Variants in CRIPT observed in about 807,000 individuals in gnomAD.
CRIPT encodes the protein CXXC repeat containing interactor of PDZ3 domain.
CRIPT carries 20 observed loss-of-function variants against 16.6 expected under a neutral mutation model. That is an observed-to-expected ratio of 1.20 (90% CI 0.85 to 1.75). The LOEUF is 1.75. Among genes scored for constraint, CRIPT ranks in the 40% most tolerant of loss-of-function variants. The probability of loss-of-function intolerance (pLI) is 0.00; values close to 1 mark genes in which losing one functional copy is unlikely to be tolerated. For synonymous variants in CRIPT, 42 were observed against 37.0 expected, an observed-to-expected ratio of 1.14 and a Z score of -0.49; for missense variants, 133 against 115.3, an observed-to-expected ratio of 1.15 and a Z score of -0.70.
Position 46,625,176 on chromosome 2 carries a change from A to G in CRIPT, c.*949A>G, listed in dbSNP as rs764919682. Reference sequence around the variant, plus strand: ...AGCCTCCATCTGCTGGGCTCAAGCAATTCTTCCCCCTCAGCCTCCTAAGTA... The same window carrying G: ...AGCCTCCATCTGCTGGGCTCAAGCAGTTCTTCCCCCTCAGCCTCCTAAGTA... On this transcript the variant is annotated 3_prime_UTR_variant, in exon 5 of 5. Transcript: ENST00000238892. 5 of 150,628 alleles carry G rather than the reference A, an allele frequency of 3.3e-5. No individual in the cohort carries two copies. Among genetic ancestry groups the G allele is most frequent in the Middle Eastern group, 3.4e-3 (1 of 296 alleles). The allele number at this position is 150,628 out of a possible 1,614,324, so 9.3% of individuals were successfully genotyped here.
In CRIPT at chr2:46,626,195, G is replaced by GT. The variant is rs1670935867; in HGVS notation, c.*1972dup. 1.3e-5 allele frequency among the ~76,000 whole-genome samples: 2 copies of GT among 152,024 alleles called. No individual in the cohort carries two copies. The highest frequency in any genetic ancestry group is 2.9e-5 in the Non-Finnish European group (2 of 67,994). On this transcript the variant is annotated 3_prime_UTR_variant, in exon 5 of 5. Coordinates refer to ENST00000238892, the MANE Select transcript of CRIPT (RefSeq NM_014171.6). ...GATAAGTGAGAACATGCGGTCTTTG[G>GT]TTTTCTGTTCCTGTGTATATTCACT...
Position 46,624,382 on chromosome 2 carries a change from C to T in CRIPT, c.*155C>T, listed in dbSNP as rs1471632100. 9.6e-6 allele frequency: 4 copies of T among 415,336 alleles called. No homozygotes were observed. Among genetic ancestry groups the T allele is most frequent in the Non-Finnish European group, 1.7e-5 (4 of 234,768 alleles). 25.7% of individuals were successfully genotyped at this position (415,336 alleles called of 1,614,324 possible). On this transcript the variant is annotated 3_prime_UTR_variant, in exon 5 of 5. Transcript: ENST00000238892. ...ACTCATTTTGCTCTCATGTTCTAAACAGCAACAGTGTAACTAGTCTTTTGT... is the reference window on the plus strand; with the variant it reads ...ACTCATTTTGCTCTCATGTTCTAAATAGCAACAGTGTAACTAGTCTTTTGT...
At chr2:46,620,166 C>T (rs1396026976) in intron 3 of CRIPT, among the ~76,000 whole-genome samples, 1 of 152,118 alleles carries the variant, frequency 6.6e-6, no homozygotes, top group South Asian at 2.1e-4. Flanking sequence ...CTTAAAAATT[C>T]GGCTGGGTAA....
In CRIPT at chr2:46,624,107, T is replaced by G. The variant is rs1054646194; in HGVS notation, c.242-56T>G. The G allele has an allele frequency of 1.9e-5, 24 of 1,296,656 alleles. 1 individual carries two copies. The Admixed American group carries it at 2.8e-4, about 15-fold the overall frequency. The allele number at this position is 1,296,656 out of a possible 1,614,324, so 80.3% of individuals were successfully genotyped here. ...TATGTTTTAAGCTTCAGGATTGACT[T>G]AAACCAAACAGTTGGTATTATGATT... On this transcript the variant is annotated intron_variant, in intron 4 of 4. Coordinates refer to ENST00000238892, the MANE Select transcript of CRIPT (RefSeq NM_014171.6).
Position 46,623,744 on chromosome 2 carries a change from T to C in CRIPT, c.138-20T>C, listed in dbSNP as rs1670867411. 6.9e-7 allele frequency: 1 copy of C among 1,450,110 alleles called. No homozygotes were observed. Among genetic ancestry groups the C allele is most frequent in the Non-Finnish European group, 9.6e-7 (1 of 1,039,290 alleles). The allele number at this position is 1,450,110 out of a possible 1,614,324, so 89.8% of individuals were successfully genotyped here. A position where few individuals can be genotyped will look rare whatever the true frequency, so the allele number is the denominator to read the frequency against. On this transcript the variant is annotated intron_variant, in intron 3 of 4. Transcript: ENST00000238892. The stretch of plus-strand genomic sequence containing the variant: ...TTCTAGTGTAATATACAATTTTCTC[T>C]CTTTAAAAAAAATTTCTAGATTTGA...
In CRIPT at chr2:46,619,633, G is replaced by C. The variant is rs772860424; in HGVS notation, c.89G>C (p.Gly30Ala). ...KDGARNTTES[G>A]GRKLNENKAL... ...ATCTTTTATTCTGATACAGAAAGTGGTGGAAGAAAGCTGAATGAAAATAAA... is the reference window on the plus strand; with the variant it reads ...ATCTTTTATTCTGATACAGAAAGTGCTGGAAGAAAGCTGAATGAAAATAAA... Residue 30 changes from glycine (G) to alanine (A), a missense_variant, in exon 3 of 5, where the codon GGT becomes GCT. Physicochemically the swap from Gly to Ala is moderately conservative, Grantham distance 60. Transcript: ENST00000238892. The C allele has an allele frequency of 5.7e-5, 91 of 1,609,846 alleles. No individual in the cohort carries two copies. The highest frequency in any genetic ancestry group is 1.5e-4 in the Admixed American group (9 of 59,704).
rs1392664612 is a variant in CRIPT at position 46,629,095 on chromosome 2, C to T, written c.*4868C>T. Among the ~76,000 whole-genome samples, 1 of 152,186 alleles carries T rather than the reference C, an allele frequency of 6.6e-6. No homozygotes were observed. The highest frequency in any genetic ancestry group is 2.4e-5 in the African/African-American group (1 of 41,456). Reference sequence around the variant, plus strand: ...AGCTGTCAGAATGATAGAAGAATTACATATGTGTGCAAAAGTTTTTGTATC... The same window carrying T: ...AGCTGTCAGAATGATAGAAGAATTATATATGTGTGCAAAAGTTTTTGTATC... On this transcript the variant is annotated 3_prime_UTR_variant, in exon 5 of 5. Transcript: ENST00000238892.
In CRIPT at chr2:46,620,772, C is replaced by T. The variant is rs1468634124; in HGVS notation, c.137+1091C>T. Among the ~76,000 whole-genome samples the T allele has an allele frequency of 2.0e-5, 3 of 150,042 alleles. No individual in the cohort carries two copies. In the East Asian group the frequency reaches 5.8e-4, roughly 29 times the overall value. ...TAACTCCCAAATTTATACCTCTGGC[C>T]TGACTTCTCTGAGCTCTAAACGTAT... On this transcript the variant is annotated intron_variant, in intron 3 of 4. Transcript: ENST00000238892.
intron 1 of CRIPT, among the ~76,000 whole-genome samples, chr2:46,618,440 A>C (rs1260969984): frequency 6.6e-6 from 1 of 152,178 alleles, no homozygotes; most frequent in East Asian, 1.9e-4. Context: ...CTGATTCATC[A>C]CTTCATTTTT....
At chr2:46,617,547 AT>A (rs1670694946) in intron 1 of CRIPT, among the ~76,000 whole-genome samples, 1 of 152,020 alleles carries the variant, frequency 6.6e-6, no homozygotes, top group African/African-American at 2.4e-5. Context: ...CCAGCCCCAG[AT>A]CTCATCAGCT....
chr2:46,619,515 A>T, intron 2 of CRIPT, 112 bp from the exon 3 acceptor site: 1 of 632,732 alleles, frequency 1.6e-6, no homozygotes, highest in Non-Finnish European at 2.6e-6. Flanking sequence ...ATGAGGATTT[A>T]AAAATTAGAT....
At position 46,623,816 on chromosome 2, in the gene CRIPT, T is replaced by G; in HGVS notation, c.190T>G (p.Ser64Ala). 6.2e-7 allele frequency: 1 copy of G among 1,611,380 alleles called. No homozygotes were observed. The highest frequency in any genetic ancestry group is 8.5e-7 in the Non-Finnish European group (1 of 1,178,498). ...CTCCACTTGTAGAATTTGTAAAAGT[T>G]CTGTGCACCAACCAGGTTCTCATTA... ...KFSTCRICKS[S>A]VHQPGSHYCQ... Residue 64 changes from serine (S) to alanine (A), a missense_variant, in exon 4 of 5, where the codon TCT (serine) becomes GCT (alanine). Physicochemically the swap from Ser to Ala is moderately conservative, Grantham distance 99 (BLOSUM62 1). Transcript: ENST00000238892.
rs1670999965 is a variant in CRIPT, at chr2:46,628,622, A to G, written c.*4395A>G. 1.3e-5 allele frequency among the ~76,000 whole-genome samples: 2 copies of G among 152,184 alleles called. No individual in the cohort carries two copies. Among genetic ancestry groups the G allele is most frequent in the Admixed American group, 1.3e-4 (2 of 15,274 alleles). On this transcript the variant is annotated 3_prime_UTR_variant, in exon 5 of 5. Coordinates refer to ENST00000238892, the MANE Select transcript of CRIPT (RefSeq NM_014171.6). ...GCTCACATTTTATCTTCATACTTTG[A>G]GTAGCCTCCTTCCATGAATGGATCA... is the stretch of plus-strand genomic sequence containing the variant.
At position 46,623,760 on chromosome 2, in the gene CRIPT, C is replaced by A. The variant is rs556367308; in HGVS notation, c.138-4C>A. 2 of 1,573,300 alleles carry A rather than the reference C, an allele frequency of 1.3e-6. No homozygotes were observed. The highest frequency in any genetic ancestry group is 2.3e-5 in the South Asian group (2 of 87,812). ...AATTTTCTCTCTTTAAAAAAAATTT[C>A]TAGATTTGATCCATATGGAAAGAAT... is the stretch of plus-strand genomic sequence containing the variant. On this transcript the variant is annotated splice_polypyrimidine_tract_variant and splice_region_variant and intron_variant, in intron 3 of 4. Coordinates refer to ENST00000238892, the MANE Select transcript of CRIPT (RefSeq NM_014171.6).
intron 3 of CRIPT, among the ~76,000 whole-genome samples, chr2:46,620,811 T>A (rs1419358898): frequency 1.3e-5 from 2 of 151,632 alleles, no homozygotes; most frequent in African/African-American, 4.8e-5. Flanking sequence ...TAGCAGTTTA[T>A]CTGACATACC....
At position 46,623,793 on chromosome 2, in the gene CRIPT, C is replaced by T. The variant is rs1158727785; in HGVS notation, c.167C>T (p.Ser56Phe). 6.2e-7 allele frequency: 1 copy of T among 1,607,912 alleles called. No individual in the cohort carries two copies. Among genetic ancestry groups the T allele is most frequent in the East Asian group, 2.2e-5 (1 of 44,460 alleles). Residue 56 changes from serine to phenylalanine, a missense_variant, in exon 4 of 5, where the codon TCC becomes TTC. Physicochemically the swap from Ser to Phe is radical, Grantham distance 155. Coordinates refer to ENST00000238892, the MANE Select transcript of CRIPT (RefSeq NM_014171.6). ...GATCCATATGGAAAGAATAAGTTCT[C>T]CACTTGTAGAATTTGTAAAAGTTCT... ...RFDPYGKNKF[S>F]TCRICKSSVH...
At position 46,624,980 on chromosome 2, in the gene CRIPT, AC is replaced by A. The variant is rs1670897823; in HGVS notation, c.*754del. 7.3e-6 allele frequency: 1 copy of A among 136,720 alleles called. No homozygotes were observed. The highest frequency in any genetic ancestry group is 1.5e-5 in the Non-Finnish European group (1 of 66,238). The allele number at this position is 136,720 out of a possible 1,614,324, so 8.5% of individuals were successfully genotyped here. A position where few individuals can be genotyped will look rare whatever the true frequency, so the allele number is the denominator to read the frequency against. On this transcript the variant is annotated 3_prime_UTR_variant, in exon 5 of 5. Coordinates refer to ENST00000238892, the MANE Select transcript of CRIPT (RefSeq NM_014171.6). ...AAAAGCTCTTTGAAGCAAAAACCAA[AC>A]TTTTTTTTTTTTTTTTTTACCTCCT...
rs1670935049 is a variant in CRIPT, at chr2:46,626,168, C to T, written c.*1941C>T. ...ATGTGTACCCATTGCTTAGTTCCCA[C>T]TGATAAGTGAGAACATGCGGTCTTT... On this transcript the variant is annotated 3_prime_UTR_variant, in exon 5 of 5. Coordinates refer to ENST00000238892, the MANE Select transcript of CRIPT (RefSeq NM_014171.6). Among the ~76,000 whole-genome samples, 1 of 152,138 alleles carries T rather than the reference C, an allele frequency of 6.6e-6. No individual in the cohort carries two copies. The highest frequency in any genetic ancestry group is 1.5e-5 in the Non-Finnish European group (1 of 68,038).
chr2:46,619,645 T>C lies in CRIPT; in HGVS notation c.101T>C (p.Leu34Pro). Residue 34 changes from leucine to proline, a missense_variant, in exon 3 of 5, where the codon CTG (leucine) becomes CCG (proline). By Grantham distance (98) the Leu-to-Pro change is moderately conservative. Transcript: ENST00000238892. ...RNTTESGGRK[L>P]NENKALTSKK... is the part of the protein sequence containing the mutation. ...GATACAGAAAGTGGTGGAAGAAAGCTGAATGAAAATAAAGCTTTGACTTCA... is the reference window on the plus strand; with the variant it reads ...GATACAGAAAGTGGTGGAAGAAAGCCGAATGAAAATAAAGCTTTGACTTCA... The C allele has an allele frequency of 2.5e-6, 4 of 1,611,622 alleles. No homozygotes were observed. Among genetic ancestry groups the C allele is most frequent in the Non-Finnish European group, 3.4e-6 (4 of 1,178,634 alleles).
Sources: gnomAD v4.1 joint callset for allele counts (sites outside exome capture counted in the v4.1 genomes callset) on GRCh38, gnomAD v4.1.1 for gene constraint, MANE v1.5 for transcripts, NCBI Gene and HGNC (gene_info 2026-07-23, HGNC 2026-07-21) for gene names.